The following NCOA2 variants were observed in gnomAD, a reference collection of about 807,000 sequenced individuals.
NCOA2 encodes the protein class E basic helix-loop-helix protein 75.
In NCOA2, 21 loss-of-function variants were observed where a neutral mutation model predicts 145.1. The observed-to-expected ratio is 0.14, with a 90% confidence interval of 0.10 to 0.21. The LOEUF is 0.21. Ranked by LOEUF, NCOA2 falls within the 10% of genes least tolerant of loss-of-function variation. NCOA2 has a pLI of 1.00. For missense variants in NCOA2, 1,472 were observed against 1,837.6 expected (o/e 0.80, Z 3.64); for synonymous variants, 619 against 637.5 (o/e 0.97, Z 0.44).
At chr8:70,315,615 CCTAT>C (rs577864565) in intron 1 of NCOA2, among the ~76,000 whole-genome samples, 9 of 152,216 alleles carry the variant, frequency 5.9e-5, no homozygotes, top group East Asian at 1.9e-4. Flanking sequence ...TCTTTTCTTC[CCTAT>C]CTGTGTTAAC....
intron 1 of NCOA2, among the ~76,000 whole-genome samples, chr8:70,307,824 T>C (rs1828010552): frequency 6.6e-6 from 1 of 152,242 alleles, no homozygotes; most frequent in Non-Finnish European, 1.5e-5. Context: ...TAGTGCTAAT[T>C]TAAATCTTAT....
intron 2 of NCOA2, among the ~76,000 whole-genome samples, chr8:70,218,100 C>A (rs1819800272): frequency 6.6e-6 from 1 of 152,108 alleles, no homozygotes; most frequent in Non-Finnish European, 1.5e-5. Flanking sequence ...CCAGTCAAAC[C>A]GCCAGGCCAC....
the NCOA2 span, among the ~76,000 whole-genome samples, chr8:70,441,400 AAAG>A: frequency 1.4e-5 from 2 of 146,522 alleles, no homozygotes; most frequent in African/African-American, 5.0e-5. Flanking sequence ...GAAAGAAAGA[AAAG>A]AAGAGAGAAA....
At chr8:70,445,191 AG>A in the NCOA2 span, among the ~76,000 whole-genome samples, 2 of 152,128 alleles carry the variant, frequency 1.3e-5, no homozygotes, top group African/African-American at 4.8e-5. Flanking sequence ...TCATCATGCA[AG>A]GGGGGAAAAA....
At chr8:70,168,590 G>T (rs898083069) in intron 6 of NCOA2, among the ~76,000 whole-genome samples, 5 of 152,144 alleles carry the variant, frequency 3.3e-5, no homozygotes, top group Non-Finnish European at 5.9e-5. Flanking sequence ...CAAAGTGCTG[G>T]GATTACACGG....
At chr8:70,177,247 G>C (rs988880283) in intron 4 of NCOA2, among the ~76,000 whole-genome samples, 12 of 152,164 alleles carry the variant, frequency 7.9e-5, no homozygotes, top group Admixed American at 2.6e-4. Flanking sequence ...AGCTTGAAAG[G>C]TCTGCTTTGC....
At chr8:70,192,796 C>A (rs1490700109) in intron 4 of NCOA2, among the ~76,000 whole-genome samples, 1 of 152,038 alleles carries the variant, frequency 6.6e-6, no homozygotes, top group African/African-American at 2.4e-5. Context: ...TGGCCAAGAA[C>A]GGTGGCTCAT....
the NCOA2 span, among the ~76,000 whole-genome samples, chr8:70,453,227 C>G: frequency 6.6e-6 from 1 of 152,200 alleles, no homozygotes; most frequent in Non-Finnish European, 1.5e-5. Flanking sequence ...CAAGACTTCC[C>G]TAGTCCTTGC....
chr8:70,444,981 G>A, the NCOA2 span, among the ~76,000 whole-genome samples: 2 of 152,170 alleles, frequency 1.3e-5, no homozygotes, highest in African/African-American at 4.8e-5. Context: ...CAGCAAATGT[G>A]TCTACTACTT....
At chr8:70,324,706 T>C (rs1449171792) in intron 1 of NCOA2, among the ~76,000 whole-genome samples, 1 of 152,172 alleles carries the variant, frequency 6.6e-6, no homozygotes, top group Non-Finnish European at 1.5e-5. Context: ...AACCCTTTCT[T>C]ACTCATTCCA....
intron 2 of NCOA2, among the ~76,000 whole-genome samples, chr8:70,241,891 C>G (rs752903514): frequency 1.4e-4 from 21 of 151,878 alleles, no homozygotes; most frequent in Admixed American, 5.9e-4. Context: ...TTTTCCTCAT[C>G]AAAAGAAAAA....
At chr8:70,295,603 C>T (rs1171946460) in intron 2 of NCOA2, among the ~76,000 whole-genome samples, 2 of 152,118 alleles carry the variant, frequency 1.3e-5, no homozygotes, top group African/African-American at 4.8e-5. Flanking sequence ...CATTTAAGAG[C>T]TATATACCTT....
At chr8:70,423,603 G>A in the NCOA2 span, among the ~76,000 whole-genome samples, 1 of 152,112 alleles carries the variant, frequency 6.6e-6, no homozygotes, top group Middle Eastern at 3.2e-3. Flanking sequence ...CCTTTTTGGA[G>A]GTCTCGCCCT....
At chr8:70,256,177 T>TCACC (rs1823621899) in intron 2 of NCOA2, among the ~76,000 whole-genome samples, 1 of 152,198 alleles carries the variant, frequency 6.6e-6, no homozygotes, top group Non-Finnish European at 1.5e-5. Flanking sequence ...GGCCAGCCAC[T>TCACC]CACCACCTGT....
chr8:70,368,528 GCTA>G (rs1199863954), intron 1 of NCOA2, among the ~76,000 whole-genome samples: 1 of 152,142 alleles, frequency 6.6e-6, no homozygotes, highest in South Asian at 2.1e-4. Flanking sequence ...GTCAAAATCT[GCTA>G]CTGAGACCAA....
At chr8:70,224,006 T>G (rs1820389212) in intron 2 of NCOA2, among the ~76,000 whole-genome samples, 1 of 152,230 alleles carries the variant, frequency 6.6e-6, no homozygotes, top group African/African-American at 2.4e-5. Flanking sequence ...CTTCTTTCTG[T>G]TAAACAGTGC....
intron 2 of NCOA2, 122 bp downstream of exon 2, chr8:70,296,622 T>C (rs1827108899): frequency 6.6e-6 from 1 of 152,162 alleles, no homozygotes; most frequent in Admixed American, 6.5e-5. Context: ...TAGACAAATA[T>C]ACAGTTTATT....
intron 1 of NCOA2, among the ~76,000 whole-genome samples, chr8:70,332,609 A>C (rs560005669): frequency 6.6e-6 from 1 of 152,280 alleles, no homozygotes; most frequent in African/African-American, 2.4e-5. Context: ...GTGCTTCATA[A>C]TGTGTATGAC....
intron 6 of NCOA2, among the ~76,000 whole-genome samples, chr8:70,167,416 A>G (rs1813740421): frequency 6.6e-6 from 1 of 152,128 alleles, no homozygotes; most frequent in Non-Finnish European, 1.5e-5. Context: ...CCTATCTGAC[A>G]TATCAGGTTG....
Sources: allele counts gnomAD v4.1 joint callset (sites outside exome capture counted in the v4.1 genomes callset), GRCh38; gene constraint gnomAD v4.1.1; transcripts MANE v1.5; gene names NCBI Gene and HGNC (gene_info 2026-07-23, HGNC 2026-07-21).